The following CNTN4 variants were observed in gnomAD, a reference collection of about 807,000 sequenced individuals.
CNTN4 encodes the protein contactin-4.
CNTN4 carries 77 observed loss-of-function variants against 122.5 expected under a neutral mutation model. The observed-to-expected ratio is 0.63, with a 90% CI of 0.52 to 0.76. The LOEUF (loss-of-function observed/expected upper bound fraction) is 0.76. Ranked by LOEUF, CNTN4 falls within the 30% of genes least tolerant of loss-of-function variation. CNTN4 has a pLI of 0.00. For synonymous variants in CNTN4, 512 were observed against 447.0 expected (o/e 1.15, Z -1.83); for missense variants, 1,256 against 1,259.1 (o/e 1.00, Z 0.04).
chr3:2,554,772 G>A (rs2078652977), intron 3 of CNTN4, among the ~76,000 whole-genome samples: 1 of 152,082 alleles, frequency 6.6e-6, no homozygotes, highest in Admixed American at 6.6e-5. Context: ...TCTGGGATTT[G>A]GCATTTAGGC....
At chr3:2,749,444 A>G (rs1005924206) in intron 6 of CNTN4, among the ~76,000 whole-genome samples, 4 of 151,832 alleles carry the variant, frequency 2.6e-5, no homozygotes, top group Non-Finnish European at 2.9e-5. Context: ...ACAAGGTGAG[A>G]TTACACTTTG....
intron 6 of CNTN4, among the ~76,000 whole-genome samples, chr3:2,756,947 A>G (rs942030806): frequency 6.6e-6 from 1 of 152,176 alleles, no homozygotes; most frequent in African/African-American, 2.4e-5. Flanking sequence ...CAGTGGTTCC[A>G]GGAAACAAAC....
intron 3 of CNTN4, among the ~76,000 whole-genome samples, chr3:2,491,970 C>G (rs1408827780): frequency 6.6e-6 from 1 of 151,478 alleles, no homozygotes; most frequent in Admixed American, 6.6e-5. Context: ...TATCTTAAGT[C>G]TTTGTTTTTT....
At chr3:2,874,102 G>T (rs1366069801) in intron 8 of CNTN4, among the ~76,000 whole-genome samples, 2 of 152,142 alleles carry the variant, frequency 1.3e-5, no homozygotes, top group African/African-American at 4.8e-5. Flanking sequence ...CATCTTAATG[G>T]CTCTGTGTAT....
At chr3:2,974,814 T>G (rs914337096) in intron 13 of CNTN4, among the ~76,000 whole-genome samples, 13 of 152,228 alleles carry the variant, frequency 8.5e-5, no homozygotes, top group Admixed American at 8.5e-4. Flanking sequence ...CTTAGAAATA[T>G]TATGAAGTTC....
At chr3:2,789,229 C>T (rs184647195) in intron 6 of CNTN4, among the ~76,000 whole-genome samples, 1 of 152,316 alleles carries the variant, frequency 6.6e-6, no homozygotes, top group African/African-American at 2.4e-5. Context: ...CTGTGTGTCT[C>T]TGGGAAGGTC....
intron 6 of CNTN4, among the ~76,000 whole-genome samples, chr3:2,754,609 T>A (rs1283974180): frequency 3.3e-5 from 5 of 152,096 alleles, no homozygotes; most frequent in African/African-American, 1.2e-4. Context: ...TGAAAAGTAT[T>A]TTTAAAAAAT....
intron 4 of CNTN4, among the ~76,000 whole-genome samples, chr3:2,732,370 G>A (rs555907177): frequency 1.1e-4 from 17 of 152,210 alleles, no homozygotes; most frequent in African/African-American, 4.1e-4. Context: ...AATAATGCAG[G>A]TGGTCTACAG....
intron 3 of CNTN4, among the ~76,000 whole-genome samples, chr3:2,458,376 C>T (rs1041133635): frequency 1.3e-5 from 2 of 152,038 alleles, no homozygotes; most frequent in Non-Finnish European, 2.9e-5. Flanking sequence ...TATAACAGTC[C>T]TATAGGGTAA....
intron 2 of CNTN4, among the ~76,000 whole-genome samples, chr3:2,252,754 A>T (rs985226354): frequency 2.6e-5 from 4 of 152,084 alleles, no homozygotes; most frequent in African/African-American, 7.2e-5. Flanking sequence ...ATATTTGATG[A>T]TCCACTGATT....
intron 2 of CNTN4, among the ~76,000 whole-genome samples, chr3:2,247,184 G>T (rs1176541385): frequency 1.3e-5 from 2 of 152,012 alleles, no homozygotes; most frequent in African/African-American, 4.8e-5. Flanking sequence ...AGCTATTGCC[G>T]TTGCAGTGAC....
rs370121913 is a variant in CNTN4, at chr3:2,961,148, T to G, written c.1359-27197T>G. Among the ~76,000 whole-genome samples, 593 of 134,444 alleles carry G rather than the reference T, an allele frequency of 4.4e-3. 31 individuals carry two copies. Among genetic ancestry groups the G allele is most frequent in the East Asian group, 0.026 (102 of 3,948 alleles). The allele number at this position is 134,444 out of a possible 152,430, so 88.2% of individuals were successfully genotyped here. On this transcript the variant is annotated intron_variant, in intron 13 of 24. Coordinates refer to ENST00000418658, the MANE Select transcript of CNTN4 (RefSeq NM_175607.3). ...GGGAGGCTGAGGCAGGAGAATGGCGTGAACCCGGGAGGCGGAGCTTGCAGT... is the reference window on the plus strand; with the variant it reads ...GGGAGGCTGAGGCAGGAGAATGGCGGGAACCCGGGAGGCGGAGCTTGCAGT...
intron 2 of CNTN4, among the ~76,000 whole-genome samples, chr3:2,311,497 C>A (rs111615087): frequency 2.0e-5 from 3 of 152,180 alleles, no homozygotes; most frequent in African/African-American, 7.2e-5. Flanking sequence ...TGATTCTTTG[C>A]CAATCTACTT....
rs536049147 is a variant in CNTN4 at position 2,907,811 on chromosome 3, CTATT to C, written c.1207+4809_1207+4812del. On this transcript the variant is annotated intron_variant, in intron 12 of 24. Coordinates refer to ENST00000418658, the MANE Select transcript of CNTN4 (RefSeq NM_175607.3). ...GGTATTTAATGTGTATGTAACATGTCTATTTAATGGATTTAAACTGCTAAATAAT... is the reference window on the plus strand; with the variant it reads ...GGTATTTAATGTGTATGTAACATGTCTAATGGATTTAAACTGCTAAATAAT... Among the ~76,000 whole-genome samples the C allele has an allele frequency of 1.1e-3, 172 of 152,260 alleles. No individual in the cohort carries two copies. In the Middle Eastern group the frequency reaches 0.024, roughly 21 times the overall value.
At chr3:3,025,467 G>A (rs1047499382) in intron 14 of CNTN4, among the ~76,000 whole-genome samples, 1 of 152,022 alleles carries the variant, frequency 6.6e-6, no homozygotes, top group African/African-American at 2.4e-5. Context: ...ATACAATATT[G>A]AGGAGAAAAA....
chr3:2,928,372 T>A (rs2094492067), intron 13 of CNTN4, among the ~76,000 whole-genome samples: 1 of 152,220 alleles, frequency 6.6e-6, no homozygotes, highest in Non-Finnish European at 1.5e-5. Context: ...GCCATTTTTC[T>A]CATTTCTTTC....
intron 2 of CNTN4, among the ~76,000 whole-genome samples, chr3:2,128,244 G>A (rs1010444941): frequency 8.5e-5 from 13 of 152,182 alleles, no homozygotes; most frequent in Admixed American, 3.9e-4. Context: ...TCAGTCACTG[G>A]TGAGCATTTG....
At chr3:2,542,392 T>G (rs1416946402) in intron 3 of CNTN4, among the ~76,000 whole-genome samples, 1 of 152,000 alleles carries the variant, frequency 6.6e-6, no homozygotes, top group East Asian at 1.9e-4. Flanking sequence ...GGAAGAGAAA[T>G]AGCCAAGAGA....
At chr3:2,176,259 T>C (rs975555129) in intron 2 of CNTN4, among the ~76,000 whole-genome samples, 1 of 152,164 alleles carries the variant, frequency 6.6e-6, no homozygotes, top group African/African-American at 2.4e-5. Context: ...TCACTTGATA[T>C]ACTTTCTACC....
Sources: gnomAD v4.1 joint callset for allele counts (sites outside exome capture counted in the v4.1 genomes callset) on GRCh38, gnomAD v4.1.1 for gene constraint, MANE v1.5 for transcripts, NCBI Gene and HGNC (gene_info 2026-07-23, HGNC 2026-07-21) for gene names.